The following ANKRD17 variants were observed in gnomAD, a reference collection of about 807,000 sequenced individuals.
ANKRD17 encodes ankyrin repeat domain-containing protein 17.
In ANKRD17, 19 loss-of-function variants were observed where a neutral mutation model predicts 229.7. That is an observed-to-expected ratio of 0.08 (90% CI 0.06 to 0.12). The LOEUF is 0.12. ANKRD17 is among the 10% of genes least tolerant of loss of function. The pLI, the probability that ANKRD17 is intolerant of heterozygous loss-of-function variation, is 1.00. For missense variants in ANKRD17, 2,176 were observed against 3,176.8 expected, an observed-to-expected ratio of 0.68 and a Z score of 7.57; for synonymous variants, 1,112 against 1,146.1, an observed-to-expected ratio of 0.97 and a Z score of 0.60.
chr4:73,093,870 C>T (rs967209079), intron 28 of ANKRD17, among the ~76,000 whole-genome samples: 1 of 152,096 alleles, frequency 6.6e-6, no homozygotes, highest in South Asian at 2.1e-4. Flanking sequence ...CATACAAATT[C>T]CTATAAAAGT....
chr4:73,201,210 GA>G (rs1371498919), intron 1 of ANKRD17, among the ~76,000 whole-genome samples: 5 of 151,370 alleles, frequency 3.3e-5, no homozygotes, highest in Admixed American at 3.3e-4. Flanking sequence ...ATAACAGTCA[GA>G]AAAAAAATGT....
chr4:73,168,996 G>A (rs1299917377), intron 2 of ANKRD17: 1 of 152,108 alleles, frequency 6.6e-6, no homozygotes, highest in African/African-American at 2.4e-5. Flanking sequence ...TGTACTCAAT[G>A]TTCAGCTCCC....
chr4:73,196,729 G>A (rs1005755265), intron 1 of ANKRD17, among the ~76,000 whole-genome samples: 2 of 152,118 alleles, frequency 1.3e-5, no homozygotes, highest in Non-Finnish European at 2.9e-5. Context: ...AGTGTTATTG[G>A]ATGCTGAGTT....
intron 17 of ANKRD17, 34 bp downstream of exon 17, chr4:73,125,167 G>A: frequency 1.9e-6 from 3 of 1,588,230 alleles, no homozygotes; most frequent in Non-Finnish European, 2.6e-6. Context: ...TTTTTGACCA[G>A]TATTCCAAAA....
chr4:73,230,387 T>C (rs907684574), intron 1 of ANKRD17, among the ~76,000 whole-genome samples: 5 of 152,156 alleles, frequency 3.3e-5, no homozygotes, highest in Non-Finnish European at 7.4e-5. Flanking sequence ...TACAATTGTT[T>C]TGTAAGATCA....
At chr4:73,153,723 A>G (rs932394311) in intron 6 of ANKRD17, among the ~76,000 whole-genome samples, 157 bp downstream of exon 6, 1 of 152,266 alleles carries the variant, frequency 6.6e-6, no homozygotes, top group Non-Finnish European at 1.5e-5. Flanking sequence ...AAATTTAAAT[A>G]GTAAACAAAC....
rs1728728384 is a variant in ANKRD17, at chr4:73,135,160, G to A, written c.3191C>T (p.Ser1064Leu). Residue 1064 changes from serine to leucine, a missense_variant, in exon 16 of 34, where the codon TCA becomes TTA. Physicochemically the swap from Ser to Leu is moderately radical, Grantham distance 145. Coordinates refer to ENST00000358602, the MANE Select transcript of ANKRD17 (RefSeq NM_032217.5). ...GGCAGGGTAGATAGGAAGCATGGCT[G>A]AAGGAGAGATGATAGGACTTGGAGT... ...TPTPSPIISP[S>L]AMLPIYPAID... is the part of the protein sequence containing the mutation. 2 of 1,613,842 alleles carry A rather than the reference G, an allele frequency of 1.2e-6. No homozygotes were observed.
chr4:73,130,891 G>T (rs1252341567), intron 16 of ANKRD17, among the ~76,000 whole-genome samples: 1 of 152,022 alleles, frequency 6.6e-6, no homozygotes, highest in African/African-American at 2.4e-5. Flanking sequence ...CAGAATTATT[G>T]TTCCACATAA....
chr4:73,126,351 A>C (rs2148727936), intron 16 of ANKRD17, among the ~76,000 whole-genome samples: 1 of 152,240 alleles, frequency 6.6e-6, no homozygotes, highest in East Asian at 1.9e-4. Flanking sequence ...TTTGGTTCCC[A>C]CCAGCCAGAG....
chr4:73,233,479 A>G (rs1323699043), intron 1 of ANKRD17, among the ~76,000 whole-genome samples: 2 of 152,180 alleles, frequency 1.3e-5, no homozygotes, highest in East Asian at 3.9e-4. Flanking sequence ...ATTTAATTTT[A>G]TGTTGTTTAG....
intron 16 of ANKRD17, 116 bp downstream of exon 16, chr4:73,135,001 C>G: frequency 2.9e-6 from 3 of 1,045,948 alleles, no homozygotes; most frequent in Admixed American, 2.8e-5. Context: ...AAAACTGGCT[C>G]AAGACTTTGC....
chr4:73,156,859 G>A (rs978996455), intron 3 of ANKRD17, among the ~76,000 whole-genome samples: 1 of 152,106 alleles, frequency 6.6e-6, no homozygotes, highest in African/African-American at 2.4e-5. Flanking sequence ...AGCAGAGTGA[G>A]AACAGACTAA....
At chr4:73,116,006 G>A in intron 22 of ANKRD17, 90 bp from the exon 23 acceptor site, 1 of 1,056,388 alleles carries the variant, frequency 9.5e-7, no homozygotes, top group South Asian at 1.4e-5. Context: ...TTAAGATTAG[G>A]GCCACAAAGT....
In ANKRD17 at chr4:73,136,561, A is replaced by G. The variant is rs148425964; in HGVS notation, c.3086-1296T>C. Among the ~76,000 whole-genome samples, 565 of 152,198 alleles carry G rather than the reference A, an allele frequency of 3.7e-3. 3 individuals are homozygous for G. Among genetic ancestry groups the G allele is most frequent in the African/African-American group, 0.013 (536 of 41,538 alleles). On this transcript the variant is annotated intron_variant, in intron 15 of 33. Coordinates refer to ENST00000358602, the MANE Select transcript of ANKRD17 (RefSeq NM_032217.5). ...ACGAAGGAGAAAACAAAACAAAACA[A>G]AACAAAACACTGTTTGAATCCTTAG...
At chr4:73,155,067 A>G (rs1428453140) in intron 5 of ANKRD17, among the ~76,000 whole-genome samples, 1 of 151,806 alleles carries the variant, frequency 6.6e-6, no homozygotes, top group Non-Finnish European at 1.5e-5. Flanking sequence ...AATTTAATAA[A>G]TTTGAAAAAT....
chr4:73,184,528 CAAAAAAAAAAAAAA>C (rs776930137), intron 1 of ANKRD17, among the ~76,000 whole-genome samples: 2 of 29,976 alleles, frequency 6.7e-5, no homozygotes, highest in Non-Finnish European at 1.3e-4. Context: ...GACTTCCTCT[CAAAAAAAAAAAAAA>C]AAAAAAAAAA....
intron 16 of ANKRD17, among the ~76,000 whole-genome samples, chr4:73,128,824 T>TAA (rs1171970967): frequency 3.9e-5 from 6 of 152,188 alleles, no homozygotes; most frequent in Middle Eastern, 6.8e-3. Flanking sequence ...CTAAACCAAC[T>TAA]AACATGACAG....
In ANKRD17 at chr4:73,154,097, T is replaced by C; in HGVS notation, c.1017A>G (p.Thr339=). 1 of 1,599,356 alleles carries C rather than the reference T, an allele frequency of 6.3e-7. No homozygotes were observed. The highest frequency in any genetic ancestry group is 1.1e-5 in the South Asian group (1 of 87,946). ...CTACATAGCCTCCAGCACAAGCATA[T>C]GTAAGTGCTGTATTGCCTATTTTAA... The part of the protein sequence containing the change: ...AQSSTGNTAL[T]YACAGGYVDV... The change falls in exon 6 of 34, where the codon ACA becomes ACG. Residue 339 remains threonine (T), a synonymous_variant. Coordinates refer to ENST00000358602, the MANE Select transcript of ANKRD17 (RefSeq NM_032217.5).
chr4:73,178,633 T>C (rs535671604), intron 1 of ANKRD17, among the ~76,000 whole-genome samples: 70 of 152,196 alleles, frequency 4.6e-4, no homozygotes, highest in African/African-American at 1.5e-3. Context: ...AAGTAACATC[T>C]CAATATTATG....
Sources: gnomAD v4.1 joint callset for allele counts (sites outside exome capture counted in the v4.1 genomes callset) on GRCh38, gnomAD v4.1.1 for gene constraint, MANE v1.5 for transcripts, NCBI Gene and HGNC (gene_info 2026-07-23, HGNC 2026-07-21) for gene names.